The following SYNE2 variants were observed in gnomAD, a reference collection of about 807,000 sequenced individuals.
The protein encoded by SYNE2 is nesprin-2.
Under a neutral mutation model 856.3 loss-of-function variants are expected in SYNE2, and 431 were observed. The observed-to-expected ratio is 0.50, with a 90% CI of 0.47 to 0.55. SYNE2 has a LOEUF of 0.55. Ranked by LOEUF, SYNE2 falls within the 20% of genes least tolerant of loss-of-function variation. The pLI, the probability that SYNE2 is intolerant of heterozygous loss-of-function variation, is 0.00. For synonymous variants in SYNE2, 2,923 were observed against 2,872.3 expected (o/e 1.02, Z -0.56); for missense variants, 8,129 against 8,023.2 (o/e 1.01, Z -0.50).
Position 64,214,410 on chromosome 14 carries a change from G to A in SYNE2, c.19273G>A (p.Val6425Met), listed in dbSNP as rs759714086. The stretch of plus-strand genomic sequence containing the variant: ...CCTGGAGTGGGACCACACAGGCGAC[G>A]TGGGGGGCTCCTCCTCTCACGAAGA... The part of the protein sequence containing the change: ...IPLEWDHTGD[V>M]GGSSSHEEDE... The change falls in exon 106 of 116, where the codon GTG (valine) becomes ATG (methionine). Residue 6425 changes from valine (V) to methionine (M), a missense_variant. By Grantham distance (21) the Val-to-Met change is conservative. Coordinates refer to ENST00000555002, the MANE Select transcript of SYNE2 (RefSeq NM_182914.3). 4 of 1,613,986 alleles carry A rather than the reference G, an allele frequency of 2.5e-6. No homozygotes were observed. Among genetic ancestry groups the A allele is most frequent in the East Asian group, 2.2e-5 (1 of 44,884 alleles).
At chr14:63,957,320 G>A (rs1270166467) in intron 8 of SYNE2, among the ~76,000 whole-genome samples, 2 of 148,632 alleles carry the variant, frequency 1.3e-5, no homozygotes, top group African/African-American at 5.0e-5. Context: ...CCAAGCTGGA[G>A]TGCAGTGGCG....
In SYNE2 at chr14:64,052,447, A is replaced by G. The variant is rs2097234626; in HGVS notation, c.8534A>G (p.Lys2845Arg). The change falls in exon 48 of 116, where the codon AAG (lysine) becomes AGG (arginine). Residue 2845 changes from lysine (K) to arginine (R), a missense_variant. By Grantham distance (26) the Lys-to-Arg change is conservative (BLOSUM62 2). This residue lies in a region of SYNE2 where 5,410 missense variants were observed against 5,284.8 expected (regional missense o/e 1.02). Coordinates refer to ENST00000555002, the MANE Select transcript of SYNE2 (RefSeq NM_182914.3). ...AGCAATTTTTTTGCTATAATAAGGA[A>G]GTTTCAACTTATGGTTCAAGAAAGT... is the stretch of plus-strand genomic sequence containing the variant. ...ERSNFFAIIR[K>R]FQLMVQESET... is the part of the protein sequence containing the mutation. 1.9e-6 allele frequency: 3 copies of G among 1,612,968 alleles called. No homozygotes were observed. The African/African-American group carries it at 4.0e-5, about 22-fold the overall frequency.
At position 64,047,983 on chromosome 14, in the gene SYNE2, C is replaced by A; in HGVS notation, c.7222-17C>A. On this transcript the variant is annotated splice_polypyrimidine_tract_variant and intron_variant, in intron 45 of 115. Transcript: ENST00000555002. ...GAAAGTAGACTATTCAGCAATTAATCTTTTTATGTATTTCAGGATTCAGCT... is the reference window on the plus strand; with the variant it reads ...GAAAGTAGACTATTCAGCAATTAATATTTTTATGTATTTCAGGATTCAGCT... The A allele has an allele frequency of 6.2e-7, 1 of 1,612,632 alleles. No individual in the cohort carries two copies.
At chr14:63,977,492 G>A (rs760963561) in intron 12 of SYNE2, among the ~76,000 whole-genome samples, 3 of 152,188 alleles carry the variant, frequency 2.0e-5, no homozygotes, top group Admixed American at 6.5e-5. Flanking sequence ...GATTACAGGC[G>A]TGAGCCACCA....
At position 64,102,051 on chromosome 14, in the gene SYNE2, G is replaced by A. The variant is rs765088214; in HGVS notation, c.12492+9G>A. The A allele has an allele frequency of 6.3e-7, 1 of 1,596,122 alleles. No homozygotes were observed. Among genetic ancestry groups the A allele is most frequent in the Admixed American group, 1.7e-5 (1 of 59,992 alleles). ...CTGGAACAATTGTTCAGGTAATGCTGGGCGTATCAGCCACGCTTAGGGGTT... is the reference window on the plus strand; with the variant it reads ...CTGGAACAATTGTTCAGGTAATGCTAGGCGTATCAGCCACGCTTAGGGGTT... On this transcript the variant is annotated intron_variant, in intron 64 of 115. Transcript: ENST00000555002.
intron 85 of SYNE2, among the ~76,000 whole-genome samples, chr14:64,155,393 T>G (rs2098277635): frequency 6.6e-6 from 1 of 152,174 alleles, no homozygotes; most frequent in South Asian, 2.1e-4. Context: ...TTACGTGGAA[T>G]AACCAGAATG....
Position 63,941,699 on chromosome 14 carries a change from C to G in SYNE2, c.146C>G (p.Thr49Ser), listed in dbSNP as rs754768287. Residue 49 changes from threonine to serine, a missense_variant, in exon 4 of 116, where the codon ACT becomes AGT. This residue lies in a region of SYNE2 where 2,422 missense variants were observed against 2,357.4 expected (regional missense o/e 1.03). Transcript: ENST00000555002. ...CWINSQLARH[T>S]SPSVISDLFT... ...TTTTCTTGTGACCTTCTGCAGCACA[C>G]TTCTCCCTCAGTTATATCCGACCTA... 3.7e-6 allele frequency: 6 copies of G among 1,613,816 alleles called. No individual in the cohort carries two copies. The East Asian group carries it at 1.1e-4, about 30-fold the overall frequency.
chr14:64,203,030 C>A, intron 100 of SYNE2, 67 bp downstream of exon 100: 1 of 1,582,632 alleles, frequency 6.3e-7, no homozygotes, highest in Non-Finnish European at 8.6e-7. Context: ...CTGAGGCCTT[C>A]CCCGTATATC....
chr14:64,121,081 G>T lies in SYNE2; in HGVS notation c.13158+20G>T. ...CAACAGGTAATTCTAGCCCCCAACA[G>T]TTGTAGGGACTAGAATATAACTTTT... On this transcript the variant is annotated intron_variant, in intron 68 of 115. Transcript: ENST00000555002. 4 of 1,613,646 alleles carry T rather than the reference G, an allele frequency of 2.5e-6. No individual in the cohort carries two copies. The highest frequency in any genetic ancestry group is 3.4e-6 in the Non-Finnish European group (4 of 1,179,708).
intron 45 of SYNE2, 44 bp downstream of exon 45, chr14:64,031,401 T>C (rs2097033213): frequency 1.9e-6 from 3 of 1,564,200 alleles, no homozygotes; most frequent in Admixed American, 3.4e-5. Context: ...AGTCTGAGAA[T>C]GAAGAGGTAT....
At chr14:63,916,937 A>G (rs992206313) in intron 2 of SYNE2, among the ~76,000 whole-genome samples, 1 of 152,020 alleles carries the variant, frequency 6.6e-6, no homozygotes, top group African/African-American at 2.4e-5. Flanking sequence ...AAATAAAAAA[A>G]AAATTAGCTG....
chr14:63,981,978 A>G (rs1422450192), intron 16 of SYNE2, among the ~76,000 whole-genome samples: 3 of 152,182 alleles, frequency 2.0e-5, no homozygotes, highest in Non-Finnish European at 4.4e-5. Flanking sequence ...AAGATCTTCT[A>G]TAAAAATGTA....
At chr14:64,220,252 G>A (rs773472166) in intron 110 of SYNE2, among the ~76,000 whole-genome samples, 185 bp from the exon 111 acceptor site, 1 of 152,146 alleles carries the variant, frequency 6.6e-6, no homozygotes, top group Non-Finnish European at 1.5e-5. Flanking sequence ...TGTTGGCCAA[G>A]TTCACAGACC....
intron 42 of SYNE2, among the ~76,000 whole-genome samples, chr14:64,026,936 C>T (rs918412275): frequency 2.0e-5 from 3 of 152,168 alleles, no homozygotes; most frequent in Non-Finnish European, 4.4e-5. Context: ...ATAATTAATG[C>T]TCTTAAATAT....
chr14:63,840,875 G>A (rs529383009), intron 1 of SYNE2, among the ~76,000 whole-genome samples: 2 of 152,114 alleles, frequency 1.3e-5, no homozygotes, highest in South Asian at 4.2e-4. Context: ...TAGGCCGGGT[G>A]TGGTGGTGCA....
chr14:64,040,797 A>G (rs1226565314), intron 45 of SYNE2, among the ~76,000 whole-genome samples: 2 of 151,404 alleles, frequency 1.3e-5, no homozygotes, highest in Admixed American at 6.6e-5. Context: ...GAATAGAGAG[A>G]TTGGAGGAAA....
intron 1 of SYNE2, among the ~76,000 whole-genome samples, chr14:63,796,971 C>G (rs369958700): frequency 2.7e-5 from 4 of 149,646 alleles, no homozygotes; most frequent in Non-Finnish European, 4.4e-5. Flanking sequence ...CCCAGCTACT[C>G]GGGAGGCTGA....
At chr14:64,106,332 T>C (rs1156649306) in intron 64 of SYNE2, among the ~76,000 whole-genome samples, 1 of 152,164 alleles carries the variant, frequency 6.6e-6, no homozygotes, top group Non-Finnish European at 1.5e-5. Flanking sequence ...ATGTTTTCCT[T>C]ATTATTTATA....
intron 1 of SYNE2, among the ~76,000 whole-genome samples, chr14:63,825,164 C>T (rs915032967): frequency 6.6e-6 from 1 of 151,846 alleles, no homozygotes; most frequent in Non-Finnish European, 1.5e-5. Flanking sequence ...AAGAAAATTA[C>T]ACTAACATAC....
Sources: allele counts gnomAD v4.1 joint callset (sites outside exome capture counted in the v4.1 genomes callset), GRCh38; gene constraint gnomAD v4.1.1; regional missense constraint gnomAD v4.1.1; transcripts MANE v1.5; gene names NCBI Gene and HGNC (gene_info 2026-07-23, HGNC 2026-07-21).